The following ZDHHC21 variants were observed in gnomAD, a reference collection of about 807,000 sequenced individuals.
ZDHHC21 encodes zDHHC palmitoyltransferase 21.
Under a neutral mutation model 34.6 loss-of-function variants are expected in ZDHHC21, and 15 were observed. The observed-to-expected ratio is 0.43, with a 90% CI of 0.29 to 0.67. ZDHHC21 has a LOEUF of 0.67. ZDHHC21 is among the 30% of genes least tolerant of loss of function. The pLI, the probability that ZDHHC21 is intolerant of heterozygous loss-of-function variation, is 0.14. For synonymous variants in ZDHHC21, 142 were observed against 101.8 expected (o/e 1.40, Z -2.38); for missense variants, 344 against 327.7 (o/e 1.05, Z -0.38).
chr9:14,655,981 T>A (rs1210076946), intron 7 of ZDHHC21, among the ~76,000 whole-genome samples: 3 of 151,102 alleles, frequency 2.0e-5, no homozygotes, highest in African/African-American at 7.3e-5. Context: ...AAAAGACAAC[T>A]GATATAGTTA....
chr9:14,653,065 C>CA (rs1175668799), intron 7 of ZDHHC21, among the ~76,000 whole-genome samples: 4 of 151,834 alleles, frequency 2.6e-5, no homozygotes, highest in African/African-American at 2.4e-5. Context: ...ATTACTCCCA[C>CA]AAAAAATATG....
the ZDHHC21 span, among the ~76,000 whole-genome samples, chr9:14,598,043 A>AG: frequency 6.6e-6 from 1 of 152,098 alleles, no homozygotes; most frequent in Non-Finnish European, 1.5e-5. Flanking sequence ...TACTGGCATT[A>AG]TCAAAGCCAT....
chr9:14,660,710 C>G (rs918844303), intron 6 of ZDHHC21, among the ~76,000 whole-genome samples: 3 of 152,066 alleles, frequency 2.0e-5, no homozygotes, highest in Non-Finnish European at 4.4e-5. Context: ...AAGCAAGAGG[C>G]CCAGAAAGAG....
At chr9:14,599,280 G>A in the ZDHHC21 span, among the ~76,000 whole-genome samples, 1 of 152,144 alleles carries the variant, frequency 6.6e-6, no homozygotes, top group African/African-American at 2.4e-5. Flanking sequence ...TAGACAGTGG[G>A]TGCAGCCCAC....
chr9:14,599,847 C>A, the ZDHHC21 span, among the ~76,000 whole-genome samples: 1 of 152,092 alleles, frequency 6.6e-6, no homozygotes, highest in East Asian at 1.9e-4. Flanking sequence ...AAGGCTGGTT[C>A]AATATATGCA....
chr9:14,601,609 C>T, the ZDHHC21 span, among the ~76,000 whole-genome samples: 5 of 152,152 alleles, frequency 3.3e-5, no homozygotes, highest in Admixed American at 6.5e-5. Flanking sequence ...GGATCTATAA[C>T]CAGAATTACC....
chr9:14,667,325 G>C (rs1427039482), intron 5 of ZDHHC21, among the ~76,000 whole-genome samples: 8 of 149,874 alleles, frequency 5.3e-5, no homozygotes, highest in African/African-American at 7.3e-5. Context: ...CTGAATAGAC[G>C]AATAACAGGA....
chr9:14,629,051 T>C (rs575624760), intron 8 of ZDHHC21, among the ~76,000 whole-genome samples: 25 of 152,328 alleles, frequency 1.6e-4, no homozygotes, highest in African/African-American at 6.0e-4. Flanking sequence ...AAAGTACTCG[T>C]ATTCAAGAGA....
intron 1 of ZDHHC21, among the ~76,000 whole-genome samples, chr9:14,692,585 T>C (rs1292450823): frequency 6.9e-6 from 1 of 144,796 alleles, no homozygotes; most frequent in Non-Finnish European, 1.5e-5. Context: ...ACATATAGCT[T>C]GAAAAAGACC....
intron 5 of ZDHHC21, among the ~76,000 whole-genome samples, chr9:14,671,183 C>G (rs186562945): frequency 2.7e-4 from 41 of 152,014 alleles, no homozygotes; most frequent in Non-Finnish European, 2.8e-4. Flanking sequence ...TTTTGTTTAA[C>G]CTGGAGATTT....
In ZDHHC21 at chr9:14,632,459, A is replaced by G. The variant is rs559540787; in HGVS notation, c.621+7437T>C. Among the ~76,000 whole-genome samples, 16 of 152,072 alleles carry G rather than the reference A, an allele frequency of 1.1e-4. No homozygotes were observed. In the East Asian group the frequency reaches 3.1e-3, roughly 29 times the overall value. ...TACAAAAATTAGCTCAAAATGAATC[A>G]TAGTACTAAATATAAAAGCTAAAAC... On this transcript the variant is annotated intron_variant, in intron 8 of 9. Coordinates refer to ENST00000380916, the MANE Select transcript of ZDHHC21 (RefSeq NM_178566.6).
At chr9:14,636,971 A>G (rs1828412892) in intron 8 of ZDHHC21, among the ~76,000 whole-genome samples, 2 of 152,250 alleles carry the variant, frequency 1.3e-5, no homozygotes, top group Non-Finnish European at 2.9e-5. Context: ...TCAAGCAAAT[A>G]GTCTAATGAT....
rs552028214 is a variant in ZDHHC21, at chr9:14,617,720, T to A, written c.*1246A>T. 1.3e-5 allele frequency: 2 copies of A among 151,996 alleles called. No homozygotes were observed. The highest frequency in any genetic ancestry group is 1.3e-4 in the Admixed American group (2 of 15,240). 9.4% of individuals were successfully genotyped at this position (151,996 alleles called of 1,614,324 possible). ...ATGTTCTATGCCTTGCAAAAGAACA[T>A]CACTATTAGTAATTTACATTTGTAC... On this transcript the variant is annotated 3_prime_UTR_variant, in exon 10 of 10. Transcript: ENST00000380916.
chr9:14,677,176 T>C (rs1046563860), intron 3 of ZDHHC21, among the ~76,000 whole-genome samples: 33 of 152,064 alleles, frequency 2.2e-4, no homozygotes, highest in African/African-American at 7.7e-4. Flanking sequence ...CCATTTTTCC[T>C]GGATGTAAAC....
At chr9:14,635,759 G>C (rs998683375) in intron 8 of ZDHHC21, among the ~76,000 whole-genome samples, 4 of 152,180 alleles carry the variant, frequency 2.6e-5, no homozygotes, top group Admixed American at 6.5e-5. Flanking sequence ...CTCTTGGGTG[G>C]TTGAGGCACA....
rs1834498051 is a variant in ZDHHC21, at chr9:14,666,644, A to G, written c.254-4318T>C. On this transcript the variant is annotated intron_variant, in intron 5 of 9. Transcript: ENST00000380916. ...TGTAAAAGAACAGAAATTATAACAA[A>G]CTGTCTCTCAGACCACAGTGCAATC... Among the ~76,000 whole-genome samples the G allele has an allele frequency of 1.8e-5, 2 of 109,574 alleles. 1 individual carries two copies. Among genetic ancestry groups the G allele is most frequent in the South Asian group, 7.7e-4 (2 of 2,582 alleles). The allele number at this position is 109,574 out of a possible 152,430, so 71.9% of individuals were successfully genotyped here.
intron 7 of ZDHHC21, among the ~76,000 whole-genome samples, chr9:14,643,388 G>A (rs1316896868): frequency 1.3e-5 from 2 of 152,086 alleles, no homozygotes; most frequent in Non-Finnish European, 2.9e-5. Flanking sequence ...AAAGGTAAAG[G>A]TTACTAACTC....
downstream of ZDHHC21, among the ~76,000 whole-genome samples, chr9:14,606,500 G>C (rs1338537398): frequency 6.6e-6 from 1 of 152,166 alleles, no homozygotes; most frequent in Admixed American, 6.6e-5. Flanking sequence ...GTTGATTGCA[G>C]TTGCCAGCCA....
intron 8 of ZDHHC21, among the ~76,000 whole-genome samples, chr9:14,633,018 G>C (rs935132051): frequency 6.6e-6 from 1 of 152,136 alleles, no homozygotes; most frequent in Non-Finnish European, 1.5e-5. Flanking sequence ...TTCTTTAAAA[G>C]ATAAATGTAG....
Sources: gnomAD v4.1 joint callset for allele counts (sites outside exome capture counted in the v4.1 genomes callset) on GRCh38, gnomAD v4.1.1 for gene constraint, MANE v1.5 for transcripts, NCBI Gene and HGNC (gene_info 2026-07-23, HGNC 2026-07-21) for gene names.